NR5A2: variants seen among roughly 807,000 people sequenced by gnomAD.
NR5A2 encodes the protein nuclear receptor subfamily 5 group A member 2.
NR5A2 carries 26 observed loss-of-function variants against 62.7 expected under a neutral mutation model. The ratio of observed to expected loss-of-function variants is 0.41; its 90% confidence interval spans 0.30 to 0.58. NR5A2 has a LOEUF of 0.58. NR5A2 is among the 20% of genes least tolerant of loss of function. The probability of loss-of-function intolerance (pLI) is 0.22; values close to 1 mark genes in which losing one functional copy is unlikely to be tolerated. For synonymous variants in NR5A2, 246 were observed against 241.7 expected (o/e 1.02, Z -0.16); for missense variants, 541 against 669.1 (o/e 0.81, Z 2.11).
At chr1:200,065,707 A>T (rs960750881) in intron 5 of NR5A2, among the ~76,000 whole-genome samples, 1 of 152,160 alleles carries the variant, frequency 6.6e-6, no homozygotes, top group Non-Finnish European at 1.5e-5. Flanking sequence ...CCTGTTCTAG[A>T]AGTGGGAAGA....
chr1:200,113,701 A>G (rs1284237256), intron 6 of NR5A2, among the ~76,000 whole-genome samples: 1 of 152,218 alleles, frequency 6.6e-6, no homozygotes, highest in Non-Finnish European at 1.5e-5. Flanking sequence ...CAAATTAAGT[A>G]TAATTTTTTT....
At chr1:200,074,788 A>AT (rs11465184) in intron 5 of NR5A2, among the ~76,000 whole-genome samples, 62,935 of 133,320 alleles carry the variant, frequency 0.47, 15,544 homozygotes, top group Middle Eastern at 0.54. Flanking sequence ...AAACACTTTA[A>AT]TTTTTTTTTT....
chr1:200,055,149 C>G (rs1435079867), intron 5 of NR5A2, among the ~76,000 whole-genome samples: 1 of 151,768 alleles, frequency 6.6e-6, no homozygotes, highest in Non-Finnish European at 1.5e-5. Flanking sequence ...CCTACCTTGG[C>G]CTCCCAAAGT....
At chr1:200,049,311 G>A (rs76397663) in intron 5 of NR5A2, among the ~76,000 whole-genome samples, 2,088 of 152,164 alleles carry the variant, frequency 0.014, 47 homozygotes, top group African/African-American at 0.048. Context: ...TATCAAGTAG[G>A]TATTTACTAC....
intron 5 of NR5A2, among the ~76,000 whole-genome samples, chr1:200,099,510 T>C: frequency 6.6e-6 from 1 of 152,158 alleles, no homozygotes; most frequent in South Asian, 2.1e-4. Flanking sequence ...TTTTACAAGC[T>C]GGAGGGCAAC....
chr1:200,079,405 C>T (rs143282221), intron 5 of NR5A2, among the ~76,000 whole-genome samples: 4 of 152,216 alleles, frequency 2.6e-5, no homozygotes, highest in South Asian at 2.1e-4. Context: ...TACACTCTGT[C>T]GGAAGATGAA....
chr1:200,068,722 C>T (rs971570449), intron 5 of NR5A2, among the ~76,000 whole-genome samples: 1 of 152,156 alleles, frequency 6.6e-6, no homozygotes, highest in Non-Finnish European at 1.5e-5. Context: ...CAAGTAAAGG[C>T]TGCTGAAGCT....
chr1:200,116,931 G>C (rs1427934820), intron 6 of NR5A2, among the ~76,000 whole-genome samples: 2 of 152,098 alleles, frequency 1.3e-5, no homozygotes, highest in Non-Finnish European at 2.9e-5. Context: ...ATCATCCTAA[G>C]GGAAAGGTCT....
At chr1:200,101,725 T>G (rs1302524063) in intron 5 of NR5A2, among the ~76,000 whole-genome samples, 1 of 152,202 alleles carries the variant, frequency 6.6e-6, no homozygotes, top group Non-Finnish European at 1.5e-5. Context: ...TATGGAAACT[T>G]AAGAAACAGA....
At chr1:200,108,251 A>T (rs187255142) in intron 5 of NR5A2, among the ~76,000 whole-genome samples, 2 of 151,504 alleles carry the variant, frequency 1.3e-5, no homozygotes, top group East Asian at 3.9e-4. Context: ...CACTTAGCTA[A>T]TTTTTACATT....
chr1:200,093,146 C>T (rs1664900376), intron 5 of NR5A2, among the ~76,000 whole-genome samples: 1 of 152,018 alleles, frequency 6.6e-6, no homozygotes, highest in Non-Finnish European at 1.5e-5. Flanking sequence ...CCTTGTGATC[C>T]ACCCATCTCA....
chr1:200,048,675 A>G lies in NR5A2; in HGVS notation c.967A>G (p.Met323Val), dbSNP rs762189252. 1 of 1,614,102 alleles carries G rather than the reference A, an allele frequency of 6.2e-7. No homozygotes were observed. Among genetic ancestry groups the G allele is most frequent in the East Asian group, 2.2e-5 (1 of 44,902 alleles). Residue 323 changes from methionine (M) to valine (V), a missense_variant, in exon 5 of 8, where the codon ATG (methionine) becomes GTG (valine). Transcript: ENST00000367362. The surrounding 1 kb of genome is among the most constrained non-coding windows in gnomAD (Gnocchi z 4.8). ...TGAGCCTCAAGTCCAGGCTAAAATC[A>G]TGGCCTATTTGCAGCAAGAGCAGGC... ...PDEPQVQAKI[M>V]AYLQQEQANR...
intron 5 of NR5A2, among the ~76,000 whole-genome samples, chr1:200,069,208 A>AT (rs34259277): frequency 0.097 from 14,832 of 152,138 alleles, 931 homozygotes; most frequent in Middle Eastern, 0.15. Context: ...TAAATGGAAA[A>AT]TGCTGTAAGT....
intron 7 of NR5A2, among the ~76,000 whole-genome samples, chr1:200,136,828 T>C (rs1204839529): frequency 6.6e-6 from 1 of 152,208 alleles, no homozygotes; most frequent in African/African-American, 2.4e-5. Flanking sequence ...CTCATCAACA[T>C]GCCATGGTTT....
intron 5 of NR5A2, among the ~76,000 whole-genome samples, chr1:200,103,193 G>A (rs376368058): frequency 3.0e-4 from 42 of 140,752 alleles, no homozygotes; most frequent in African/African-American, 5.7e-4. Context: ...GAGTGGTCTC[G>A]GCTCACTGCA....
rs374872273 is a variant in NR5A2, at chr1:200,163,265, C to CAAAA, written c.1379-10686_1379-10683dup. On this transcript the variant is annotated intron_variant, in intron 7 of 7. Coordinates refer to ENST00000367362, the MANE Select transcript of NR5A2 (RefSeq NM_205860.3). ...TGGAAGAATAGCAGCATGTCAAAGG[C>CAAAA]AAAAAAAAAAAAAAAGAAGAAGAAA... Among the ~76,000 whole-genome samples the CAAAA allele has an allele frequency of 3.1e-3, 274 of 88,016 alleles. 3 individuals carry two copies. Among genetic ancestry groups the CAAAA allele is most frequent in the African/African-American group, 8.4e-3 (257 of 30,436 alleles). The allele number at this position is 88,016 out of a possible 152,430, so 57.7% of individuals were successfully genotyped here. A position where few individuals can be genotyped will look rare whatever the true frequency, so the allele number is the denominator to read the frequency against.
At chr1:200,099,590 CTTTTA>C (rs1245837760) in intron 5 of NR5A2, among the ~76,000 whole-genome samples, 5 of 151,984 alleles carry the variant, frequency 3.3e-5, no homozygotes, top group East Asian at 1.9e-4. Context: ...ACCTGGATTT[CTTTTA>C]TTTTATTTTA....
Position 200,066,955 on chromosome 1 carries a change from G to A in NR5A2, c.1110+18137G>A, listed in dbSNP as rs896338683. Among the ~76,000 whole-genome samples, 7 of 152,178 alleles carry A rather than the reference G, an allele frequency of 4.6e-5. No homozygotes were observed. In the South Asian group the frequency reaches 6.2e-4, roughly 13 times the overall value. The stretch of plus-strand genomic sequence containing the variant: ...ACTTAAATCCTTCCTTCTGCATCAC[G>A]TGTCATTCCCTGTGGACCTGTCAAT... On this transcript the variant is annotated intron_variant, in intron 5 of 7. Coordinates refer to ENST00000367362, the MANE Select transcript of NR5A2 (RefSeq NM_205860.3).
At chr1:200,164,112 T>C (rs1326199995) in intron 7 of NR5A2, among the ~76,000 whole-genome samples, 2 of 152,154 alleles carry the variant, frequency 1.3e-5, no homozygotes, top group Non-Finnish European at 2.9e-5. Flanking sequence ...GCCTTCACCA[T>C]GTGATGTGCC....
Sources: gnomAD v4.1 joint callset for allele counts (sites outside exome capture counted in the v4.1 genomes callset) on GRCh38, gnomAD v4.1.1 for gene constraint, Gnocchi (gnomAD v3.1) non-coding constraint, MANE v1.5 for transcripts, NCBI Gene and HGNC (gene_info 2026-07-23, HGNC 2026-07-21) for gene names.